Variants in PDE3A observed in about 807,000 individuals in gnomAD.
PDE3A encodes the protein cGMP-inhibited 3',5'-cyclic phosphodiesterase 3A.
Under a neutral mutation model 98.3 loss-of-function variants are expected in PDE3A, and 43 were observed. That is an observed-to-expected ratio of 0.44 (90% confidence interval 0.34 to 0.56). PDE3A has a LOEUF of 0.56. PDE3A is among the 20% of genes least tolerant of loss of function. PDE3A has a pLI of 0.01. For missense variants in PDE3A, 1,427 were observed against 1,440.7 expected, an observed-to-expected ratio of 0.99 and a Z score of 0.15; for synonymous variants, 663 against 567.9, an observed-to-expected ratio of 1.17 and a Z score of -2.38.
chr12:20,638,067 A>C (rs1486268042), intron 9 of PDE3A, among the ~76,000 whole-genome samples: 1 of 152,160 alleles, frequency 6.6e-6, no homozygotes, highest in Non-Finnish European at 1.5e-5. Context: ...TATAAGACTT[A>C]GGTAAGAATT....
chr12:20,533,478 C>CTTTTTTTTTTT (rs10707682), intron 1 of PDE3A, among the ~76,000 whole-genome samples: 1 of 124,648 alleles, frequency 8.0e-6, no homozygotes, highest in Non-Finnish European at 1.7e-5. Flanking sequence ...GTTTCTTTTT[C>CTTTTTTTTTTT]TTTTTTTTTT....
intron 1 of PDE3A, among the ~76,000 whole-genome samples, chr12:20,483,772 T>A (rs1179141150): frequency 6.6e-6 from 1 of 152,226 alleles, no homozygotes; most frequent in African/African-American, 2.4e-5. Context: ...AGATAAATAT[T>A]AATGATGGAT....
chr12:20,458,407 T>G (rs1267942623), intron 1 of PDE3A, among the ~76,000 whole-genome samples: 1 of 152,040 alleles, frequency 6.6e-6, no homozygotes, highest in Non-Finnish European at 1.5e-5. Flanking sequence ...AATTTTGGGT[T>G]GATGTTAGAC....
intron 2 of PDE3A, among the ~76,000 whole-genome samples, chr12:20,589,795 G>A (rs1943286370): frequency 6.7e-6 from 1 of 149,488 alleles, no homozygotes; most frequent in Non-Finnish European, 1.5e-5. Flanking sequence ...CATGAACCCA[G>A]GAGGTGGAGC....
At chr12:20,401,821 C>T (rs538136571) in intron 1 of PDE3A, among the ~76,000 whole-genome samples, 14 of 152,134 alleles carry the variant, frequency 9.2e-5, no homozygotes, top group Non-Finnish European at 2.1e-4. Context: ...TTGAGCCCAC[C>T]TCTCCTGCGC....
chr12:20,444,535 C>CA (rs1284849737), intron 1 of PDE3A, among the ~76,000 whole-genome samples: 2 of 152,184 alleles, frequency 1.3e-5, no homozygotes, highest in African/African-American at 4.8e-5. Flanking sequence ...GACTTTCTGT[C>CA]AGTCTCTATG....
intron 15 of PDE3A, among the ~76,000 whole-genome samples, chr12:20,663,178 T>A (rs986012852): frequency 4.6e-5 from 7 of 152,108 alleles, no homozygotes; most frequent in Admixed American, 2.0e-4. Context: ...TCCACCTAGA[T>A]TAAAGAGGAT....
chr12:20,420,991 G>A (rs1370893310), intron 1 of PDE3A, among the ~76,000 whole-genome samples: 36 of 152,130 alleles, frequency 2.4e-4, no homozygotes, highest in Admixed American at 2.4e-3. Context: ...GGACCAAAAA[G>A]TAGTCTTTTT....
chr12:20,526,291 CTT>C (rs2121169115), intron 1 of PDE3A, among the ~76,000 whole-genome samples: 1 of 152,210 alleles, frequency 6.6e-6, no homozygotes, highest in South Asian at 2.1e-4. Flanking sequence ...CTGTAAGTAT[CTT>C]TTTATTGGCT....
At chr12:20,440,939 C>T (rs1366372814) in intron 1 of PDE3A, among the ~76,000 whole-genome samples, 8 of 152,048 alleles carry the variant, frequency 5.3e-5, no homozygotes, top group African/African-American at 9.7e-5. Context: ...GAAAACTACC[C>T]GTTTTGTGAA....
At chr12:20,650,987 CACTT>C (rs1399064509) in intron 14 of PDE3A, among the ~76,000 whole-genome samples, 2 of 151,964 alleles carry the variant, frequency 1.3e-5, no homozygotes, top group African/African-American at 4.8e-5. Context: ...ACATTAATTT[CACTT>C]ACTTTCCTAA....
chr12:20,424,895 C>T (rs185422871), intron 1 of PDE3A, among the ~76,000 whole-genome samples: 2 of 152,210 alleles, frequency 1.3e-5, no homozygotes, highest in Non-Finnish European at 2.9e-5. Flanking sequence ...TGTGTTCTGT[C>T]TCTGTGCACA....
intron 2 of PDE3A, among the ~76,000 whole-genome samples, chr12:20,580,341 T>C (rs1943034696): frequency 6.6e-6 from 1 of 152,044 alleles, no homozygotes; most frequent in African/African-American, 2.4e-5. Flanking sequence ...CACACAAAAA[T>C]TAGGAAGACA....
chr12:20,599,307 TCTC>T (rs149616323), intron 2 of PDE3A, among the ~76,000 whole-genome samples: 2,903 of 152,224 alleles, frequency 0.019, 77 homozygotes, highest in African/African-American at 0.066. Context: ...CTGTCATACT[TCTC>T]CTGTTTTCTC....
rs1376818075 is a variant in PDE3A, at chr12:20,632,685, T to G, written c.1761-1008T>G. On this transcript the variant is annotated intron_variant, in intron 6 of 15. Transcript: ENST00000359062. Reference sequence around the variant, plus strand: ...TCACCTCTCTTACCTTTGTTTTTCTTGGTGGTTTACGGTACATCTAGGGCC... The same window carrying G: ...TCACCTCTCTTACCTTTGTTTTTCTGGGTGGTTTACGGTACATCTAGGGCC... Among the ~76,000 whole-genome samples the G allele has an allele frequency of 2.0e-5, 3 of 152,106 alleles. No individual in the cohort carries two copies. In the East Asian group the frequency reaches 5.8e-4, roughly 30 times the overall value.
intron 1 of PDE3A, among the ~76,000 whole-genome samples, chr12:20,491,797 T>C (rs2121048214): frequency 6.6e-6 from 1 of 152,334 alleles, no homozygotes; most frequent in Non-Finnish European, 1.5e-5. Flanking sequence ...CTTAGCTAGG[T>C]TACTCTACCG....
chr12:20,370,736 G>A (rs1193595135), intron 1 of PDE3A, among the ~76,000 whole-genome samples: 1 of 152,144 alleles, frequency 6.6e-6, no homozygotes, highest in Non-Finnish European at 1.5e-5. Context: ...CCAGTAAAAA[G>A]ATTCTAGAGC....
intron 1 of PDE3A, among the ~76,000 whole-genome samples, chr12:20,496,287 T>C (rs1473784908): frequency 6.6e-6 from 1 of 152,180 alleles, no homozygotes; most frequent in East Asian, 1.9e-4. Flanking sequence ...AACCTGCTAT[T>C]ATTGAAAGGC....
intron 6 of PDE3A, among the ~76,000 whole-genome samples, chr12:20,631,429 A>G (rs533527817): frequency 1.3e-5 from 2 of 152,316 alleles, no homozygotes; most frequent in South Asian, 2.1e-4. Flanking sequence ...TTATTCGACC[A>G]CAGAACCAAT....
Sources: gnomAD v4.1 joint callset for allele counts (sites outside exome capture counted in the v4.1 genomes callset) on GRCh38, gnomAD v4.1.1 for gene constraint, MANE v1.5 for transcripts, NCBI Gene and HGNC (gene_info 2026-07-23, HGNC 2026-07-21) for gene names.